The following BCKDHB variants were observed in gnomAD, a reference collection of about 807,000 sequenced individuals.
The protein encoded by BCKDHB is 2-oxoisovalerate dehydrogenase subunit beta, mitochondrial.
In BCKDHB, 41 loss-of-function variants were observed where a neutral mutation model predicts 48.5. The observed-to-expected ratio is 0.85, with a 90% CI of 0.66 to 1.10. BCKDHB has a LOEUF of 1.10. Ranked by LOEUF, BCKDHB falls within the 50% of genes least tolerant of loss-of-function variation. The pLI, the probability that BCKDHB is intolerant of heterozygous loss-of-function variation, is 0.00. For missense variants in BCKDHB, 496 were observed against 494.2 expected, an observed-to-expected ratio of 1.00 and a Z score of -0.03; for synonymous variants, 201 against 174.8, an observed-to-expected ratio of 1.15 and a Z score of -1.18.
At chr6:80,262,182 G>C (rs1273022372) in intron 8 of BCKDHB, among the ~76,000 whole-genome samples, 1 of 152,176 alleles carries the variant, frequency 6.6e-6, no homozygotes, top group Admixed American at 6.6e-5. Context: ...CAAAATTAGT[G>C]AAGCAGTATG....
At chr6:80,234,077 A>G (rs1444565663) in intron 8 of BCKDHB, among the ~76,000 whole-genome samples, 1 of 152,002 alleles carries the variant, frequency 6.6e-6, no homozygotes, top group Admixed American at 6.6e-5. Context: ...TTGCACTTCT[A>G]TGAGAATCGA....
rs920245680 is a variant in BCKDHB, at chr6:80,345,007, A to G, written c.*1203A>G. On this transcript the variant is annotated 3_prime_UTR_variant, in exon 10 of 10. Coordinates refer to ENST00000320393, the MANE Select transcript of BCKDHB (RefSeq NM_183050.4). Reference sequence around the variant, plus strand: ...ACCTGAAAACAAACAAACAAACCCTAAAACTCAGCACCACTACCATTTCCA... The same window carrying G: ...ACCTGAAAACAAACAAACAAACCCTGAAACTCAGCACCACTACCATTTCCA... The G allele has an allele frequency of 8.5e-5, 13 of 152,198 alleles. No homozygotes were observed. The highest frequency in any genetic ancestry group is 3.1e-4 in the African/African-American group (13 of 41,452). 9.4% of individuals were successfully genotyped at this position (152,198 alleles called of 1,614,324 possible). A position where few individuals can be genotyped will look rare whatever the true frequency, so the allele number is the denominator to read the frequency against.
chr6:80,313,341 A>AC (rs1768263064), intron 9 of BCKDHB, among the ~76,000 whole-genome samples: 1 of 151,376 alleles, frequency 6.6e-6, no homozygotes, highest in South Asian at 2.1e-4. Context: ...TTTCTTTATT[A>AC]GTGTAGCTAG....
chr6:80,203,054 G>A (rs1774470760), intron 7 of BCKDHB, 48 bp from the exon 8 acceptor site: 2 of 1,336,234 alleles, frequency 1.5e-6, no homozygotes, highest in Non-Finnish European at 2.2e-6. Flanking sequence ...AGTTTTTGAG[G>A]CTAGAACCTT....
the BCKDHB span, among the ~76,000 whole-genome samples, chr6:80,427,465 G>T: frequency 6.6e-6 from 1 of 151,870 alleles, no homozygotes; most frequent in South Asian, 2.1e-4. Flanking sequence ...ATTTTTGCTT[G>T]AACAATTATA....
chr6:80,129,188 G>A lies in BCKDHB; in HGVS notation c.302G>A (p.Gly101Asp), dbSNP rs398124571. Residue 101 changes from glycine to aspartate, a missense_variant, in exon 3 of 10, where the codon GGT becomes GAT. Transcript: ENST00000320393. ...ATATTTGGTGAAGATGTTGCCTTTGGTGGAGTCTTTAGATGCACTGTTGGC... is the reference window on the plus strand; with the variant it reads ...ATATTTGGTGAAGATGTTGCCTTTGATGGAGTCTTTAGATGCACTGTTGGC... ...AVIFGEDVAF[G>D]GVFRCTVGLR... 1.2e-5 allele frequency: 19 copies of A among 1,610,624 alleles called. No homozygotes were observed. Among genetic ancestry groups the A allele is most frequent in the Non-Finnish European group, 1.5e-5 (18 of 1,177,922 alleles).
intron 8 of BCKDHB, among the ~76,000 whole-genome samples, chr6:80,219,667 G>A (rs1406377469): frequency 6.6e-6 from 1 of 152,126 alleles, no homozygotes; most frequent in East Asian, 1.9e-4. Flanking sequence ...TTTTGTTGGA[G>A]TACATTCATA....
the BCKDHB span, among the ~76,000 whole-genome samples, chr6:80,403,035 T>A: frequency 6.6e-6 from 1 of 151,776 alleles, no homozygotes; most frequent in East Asian, 1.9e-4. Flanking sequence ...AATCAGAAAG[T>A]GAGGTGCCTA....
intron 1 of BCKDHB, among the ~76,000 whole-genome samples, chr6:80,108,307 T>A (rs1351307648): frequency 6.7e-6 from 1 of 150,052 alleles, no homozygotes; most frequent in Non-Finnish European, 1.5e-5. Flanking sequence ...TAATAGTAGG[T>A]GTTTTTTTTT....
intron 9 of BCKDHB, among the ~76,000 whole-genome samples, chr6:80,305,514 T>G (rs1429325861): frequency 1.3e-5 from 2 of 152,186 alleles, no homozygotes; most frequent in Non-Finnish European, 2.9e-5. Flanking sequence ...ATTTAATGGC[T>G]CTCTAGGGTC....
chr6:80,183,154 TTGCTTTCTCTAAGCCCCATATATTCAA>T (rs1434860979), intron 6 of BCKDHB, among the ~76,000 whole-genome samples: 1 of 152,140 alleles, frequency 6.6e-6, no homozygotes, highest in African/African-American at 2.4e-5. Context: ...AATCCCTTTC[TTGCTTTCTCTAAGCCCCATATATTCAA>T]TTTAGCCCTG....
intron 3 of BCKDHB, among the ~76,000 whole-genome samples, chr6:80,166,437 C>T (rs952172562): frequency 3.3e-5 from 5 of 152,144 alleles, no homozygotes; most frequent in African/African-American, 9.6e-5. Flanking sequence ...GGGTGGATCA[C>T]CTGAGGTCAG....
Position 80,114,032 on chromosome 6 carries a change from C to G in BCKDHB, c.196+7143C>G, listed in dbSNP as rs748219368. ...CAATCAAAGGTACTTCGAATTTTTT[C>G]ATCTGCCACGCAGAAAAGGGGCAGG... On this transcript the variant is annotated intron_variant, in intron 1 of 9. Transcript: ENST00000320393. 1.6e-4 allele frequency among the ~76,000 whole-genome samples: 24 copies of G among 152,094 alleles called. 1 individual carries two copies. Among genetic ancestry groups the G allele is most frequent in the Non-Finnish European group, 3.2e-4 (22 of 68,018 alleles).
chr6:80,448,622 A>G, the BCKDHB span, among the ~76,000 whole-genome samples: 9 of 152,238 alleles, frequency 5.9e-5, no homozygotes, highest in Non-Finnish European at 1.2e-4. Flanking sequence ...GTATTAATAA[A>G]TTTATATCCT....
At chr6:80,308,749 C>T (rs932205892) in intron 9 of BCKDHB, among the ~76,000 whole-genome samples, 2 of 152,036 alleles carry the variant, frequency 1.3e-5, no homozygotes, top group South Asian at 2.1e-4. Context: ...CGCCCGCCAC[C>T]ACGCCCGGCT....
intron 8 of BCKDHB, among the ~76,000 whole-genome samples, chr6:80,246,255 G>C (rs1369100506): frequency 6.6e-6 from 1 of 152,156 alleles, no homozygotes; most frequent in East Asian, 1.9e-4. Context: ...GAGTTTCTCA[G>C]TGCATGGGAA....
chr6:80,149,057 T>G (rs1582235394), intron 3 of BCKDHB, among the ~76,000 whole-genome samples: 1 of 152,134 alleles, frequency 6.6e-6, no homozygotes, highest in South Asian at 2.1e-4. Flanking sequence ...GAGAAAATTT[T>G]TGCAACCTAC....
intron 1 of BCKDHB, among the ~76,000 whole-genome samples, chr6:80,122,230 T>G (rs964199551): frequency 6.6e-5 from 10 of 151,396 alleles, no homozygotes; most frequent in African/African-American, 1.9e-4. Flanking sequence ...TAAGATTTTT[T>G]ATGTGCTGCT....
chr6:80,395,555 G>A, the BCKDHB span, among the ~76,000 whole-genome samples: 871 of 152,298 alleles, frequency 5.7e-3, 9 homozygotes, highest in African/African-American at 0.019. Context: ...AAGCGGCAAA[G>A]CATTCAAGAG....
Sources: allele counts gnomAD v4.1 joint callset (sites outside exome capture counted in the v4.1 genomes callset), GRCh38; gene constraint gnomAD v4.1.1; transcripts MANE v1.5; gene names NCBI Gene and HGNC (gene_info 2026-07-23, HGNC 2026-07-21).